Variants in GTF2H3 observed in about 807,000 individuals in gnomAD.
GTF2H3 encodes the protein TFIIH basal transcription factor complex p34 subunit.
Under a neutral mutation model 51.1 loss-of-function variants are expected in GTF2H3, and 42 were observed. The observed-to-expected ratio is 0.82, with a 90% confidence interval of 0.64 to 1.06. GTF2H3 has a LOEUF of 1.06. Ranked by LOEUF, GTF2H3 falls within the 50% of genes least tolerant of loss-of-function variation. The pLI is 0.00. For missense variants in GTF2H3, 326 were observed against 366.1 expected, an observed-to-expected ratio of 0.89 and a Z score of 0.89; for synonymous variants, 123 against 123.8, an observed-to-expected ratio of 0.99 and a Z score of 0.04.
At chr12:123,635,384 A>G (rs1955264760) in intron 1 of GTF2H3, among the ~76,000 whole-genome samples, 1 of 151,996 alleles carries the variant, frequency 6.6e-6, no homozygotes, top group African/African-American at 2.4e-5. Context: ...CAGCCTGGCC[A>G]ACATGGTGAA....
At chr12:123,641,108 T>C (rs1373433061) in intron 2 of GTF2H3, among the ~76,000 whole-genome samples, 2 of 152,130 alleles carry the variant, frequency 1.3e-5, no homozygotes, top group South Asian at 2.1e-4. Flanking sequence ...GCCATAACTA[T>C]GCCACTGCAC....
chr12:123,642,391 G>A (rs565790586), intron 2 of GTF2H3, among the ~76,000 whole-genome samples: 1 of 150,942 alleles, frequency 6.6e-6, no homozygotes, highest in South Asian at 2.1e-4. Context: ...GGCTGGTCTC[G>A]ATCTCTTGAC....
Position 123,647,840 on chromosome 12 carries a change from G to A in GTF2H3, c.201-123G>A, listed in dbSNP as rs931117643. ...TTTTTAAAAAATGAAATTTACCGTG[G>A]AATCTTGTGAGTCCCACATTGTTGT... On this transcript the variant is annotated intron_variant, in intron 3 of 12. Coordinates refer to ENST00000543341, the MANE Select transcript of GTF2H3 (RefSeq NM_001516.5). 5.4e-5 allele frequency: 29 copies of A among 538,566 alleles called. No individual in the cohort carries two copies. The African/African-American group carries it at 5.4e-4, about 10-fold the overall frequency. 33.4% of individuals were successfully genotyped at this position (538,566 alleles called of 1,614,324 possible). A position where few individuals can be genotyped will look rare whatever the true frequency, so the allele number is the denominator to read the frequency against.
At chr12:123,646,933 C>T (rs944354603) in intron 3 of GTF2H3, among the ~76,000 whole-genome samples, 11 of 150,366 alleles carry the variant, frequency 7.3e-5, no homozygotes, top group Non-Finnish European at 1.0e-4. Flanking sequence ...GGGCGGATCA[C>T]GAGATCAGGA....
chr12:123,635,551 C>T (rs544640310), intron 1 of GTF2H3, among the ~76,000 whole-genome samples: 18 of 136,374 alleles, frequency 1.3e-4, no homozygotes, highest in East Asian at 4.2e-4. Context: ...CCAGCTTGGG[C>T]GACAGAGCAA....
In GTF2H3 at chr12:123,649,092, A is replaced by G. The variant is rs143607710; in HGVS notation, c.364+966A>G. On this transcript the variant is annotated intron_variant, in intron 4 of 12. Transcript: ENST00000543341. ...AGAGATTCTCCTGCCTCAGCCTCCCAAGTAGCTGGGATTATAGGCACGTAC... is the reference window on the plus strand; with the variant it reads ...AGAGATTCTCCTGCCTCAGCCTCCCGAGTAGCTGGGATTATAGGCACGTAC... 2.2e-3 allele frequency: 338 copies of G among 152,386 alleles called. 1 individual carries two copies. Among genetic ancestry groups the G allele is most frequent in the African/African-American group, 7.7e-3 (319 of 41,518 alleles). The allele number at this position is 152,386 out of a possible 1,614,324, so 9.4% of individuals were successfully genotyped here.
At chr12:123,634,565 G>C (rs190453609) in intron 1 of GTF2H3, among the ~76,000 whole-genome samples, 1 of 152,178 alleles carries the variant, frequency 6.6e-6, no homozygotes, top group Non-Finnish European at 1.5e-5. Flanking sequence ...TTTAGATAGG[G>C]GCCTAGGAAA....
chr12:123,639,060 G>C (rs1406957530), intron 1 of GTF2H3, among the ~76,000 whole-genome samples: 1 of 152,178 alleles, frequency 6.6e-6, no homozygotes, highest in Non-Finnish European at 1.5e-5. Context: ...CTCCCAAAGT[G>C]CTGGGGTTAC....
chr12:123,637,690 G>A (rs887457908), intron 1 of GTF2H3, among the ~76,000 whole-genome samples: 1 of 151,962 alleles, frequency 6.6e-6, no homozygotes, highest in Non-Finnish European at 1.5e-5. Context: ...TTTTAGTAGG[G>A]ACGGGGTTTT....
chr12:123,639,893 G>A (rs995940257), intron 2 of GTF2H3: 9 of 413,622 alleles, frequency 2.2e-5, no homozygotes, highest in African/African-American at 3.3e-5. Context: ...GTGTATGCGT[G>A]CGTGCGTGTA....
chr12:123,647,217 C>T (rs1054813913), intron 3 of GTF2H3, among the ~76,000 whole-genome samples: 3 of 150,072 alleles, frequency 2.0e-5, no homozygotes, highest in Non-Finnish European at 4.4e-5. Context: ...CGCCTGTAAT[C>T]CCAGCACTTC....
chr12:123,650,668 G>A (rs1048188860), intron 4 of GTF2H3, among the ~76,000 whole-genome samples: 13 of 151,878 alleles, frequency 8.6e-5, no homozygotes, highest in African/African-American at 2.4e-4. Context: ...AATCATCACC[G>A]CCATCCATCG....
intron 2 of GTF2H3, among the ~76,000 whole-genome samples, chr12:123,641,910 A>G: frequency 6.7e-6 from 1 of 148,938 alleles, no homozygotes; most frequent in Admixed American, 6.7e-5. Flanking sequence ...CTAGAGTGCA[A>G]TGGCACGATC....
intron 9 of GTF2H3, among the ~76,000 whole-genome samples, chr12:123,658,366 C>T (rs1016227393): frequency 3.3e-5 from 5 of 152,060 alleles, no homozygotes; most frequent in Admixed American, 6.6e-5. Context: ...TACAGGTGCC[C>T]GCCACTACGC....
At chr12:123,645,610 G>A in intron 3 of GTF2H3, 49 bp downstream of exon 3, 1 of 956,124 alleles carries the variant, frequency 1.0e-6, no homozygotes, top group African/African-American at 1.6e-5. Context: ...ATATTCATGA[G>A]TTTTCTGTGC....
chr12:123,640,009 C>G (rs1251591473), intron 2 of GTF2H3: 4 of 454,676 alleles, frequency 8.8e-6, no homozygotes, highest in Non-Finnish European at 1.8e-5. Flanking sequence ...CAGGTGCGTA[C>G]CACCATGCTC....
At chr12:123,638,996 C>T (rs1268209180) in intron 1 of GTF2H3, among the ~76,000 whole-genome samples, 4 of 151,600 alleles carry the variant, frequency 2.6e-5, no homozygotes, top group East Asian at 2.0e-4. Context: ...GGGGTTTCAC[C>T]GTGTTAGCCA....
At chr12:123,647,814 T>G in intron 3 of GTF2H3, 149 bp from the exon 4 acceptor site, 1 of 495,276 alleles carries the variant, frequency 2.0e-6, no homozygotes, top group Non-Finnish European at 3.5e-6. Flanking sequence ...CTTACACATT[T>G]TTTTTAAAAA....
chr12:123,654,524 T>G (rs1955560723), intron 7 of GTF2H3, among the ~76,000 whole-genome samples: 1 of 151,472 alleles, frequency 6.6e-6, no homozygotes, highest in Admixed American at 6.6e-5. Flanking sequence ...ATTTTGGGTG[T>G]GTATTTTGGA....
Sources: allele counts gnomAD v4.1 joint callset (sites outside exome capture counted in the v4.1 genomes callset), GRCh38; gene constraint gnomAD v4.1.1; transcripts MANE v1.5; gene names NCBI Gene and HGNC (gene_info 2026-07-23, HGNC 2026-07-21).